Variants in DNM3 observed in about 807,000 individuals in gnomAD.
DNM3 encodes dynamin 3.
In DNM3, 47 loss-of-function variants were observed where a neutral mutation model predicts 101.6. The ratio of observed to expected loss-of-function variants is 0.46; its 90% CI spans 0.37 to 0.59. DNM3 has a LOEUF of 0.59. Among genes scored for constraint, DNM3 ranks in the 20% least tolerant of loss-of-function variants. DNM3 has a pLI of 0.00. For synonymous variants in DNM3, 385 were observed against 387.9 expected (o/e 0.99, Z 0.09); for missense variants, 849 against 1,085.7 (o/e 0.78, Z 3.06).
At chr1:172,030,057 T>C (rs867098269) in intron 4 of DNM3, among the ~76,000 whole-genome samples, 1 of 152,170 alleles carries the variant, frequency 6.6e-6, no homozygotes, top group African/African-American at 2.4e-5. Flanking sequence ...AAAAAACTAC[T>C]TTAAATTTCA....
At chr1:172,168,393 G>A (rs749016165) in intron 14 of DNM3, among the ~76,000 whole-genome samples, 1 of 151,932 alleles carries the variant, frequency 6.6e-6, no homozygotes, top group Non-Finnish European at 1.5e-5. Flanking sequence ...TTAACAAAAG[G>A]TTTAGTGGTC....
chr1:172,345,589 CTG>C (rs1314973868), intron 17 of DNM3, among the ~76,000 whole-genome samples: 1 of 152,182 alleles, frequency 6.6e-6, no homozygotes, highest in Non-Finnish European at 1.5e-5. Flanking sequence ...TGCACACACA[CTG>C]TTATCCATTA....
At chr1:172,069,162 CATT>C (rs2051952971) in intron 11 of DNM3, among the ~76,000 whole-genome samples, 1 of 152,112 alleles carries the variant, frequency 6.6e-6, no homozygotes, top group Non-Finnish European at 1.5e-5. Flanking sequence ...ACAGGAGTTT[CATT>C]ATTTTTTTTC....
chr1:172,312,639 A>C (rs1225318350), intron 16 of DNM3, among the ~76,000 whole-genome samples: 2 of 152,000 alleles, frequency 1.3e-5, no homozygotes, highest in South Asian at 2.1e-4. Context: ...CTAAAATTTT[A>C]TTTCTTTCCT....
intron 15 of DNM3, among the ~76,000 whole-genome samples, chr1:172,279,511 A>G (rs1219212931): frequency 6.6e-6 from 1 of 152,104 alleles, no homozygotes; most frequent in Non-Finnish European, 1.5e-5. Flanking sequence ...TTCCATCTAT[A>G]TGCTGTTGAC....
chr1:172,396,065 A>G (rs1412016706), intron 20 of DNM3, among the ~76,000 whole-genome samples: 1 of 152,240 alleles, frequency 6.6e-6, no homozygotes, highest in Non-Finnish European at 1.5e-5. Flanking sequence ...TTGCCCTGTG[A>G]CTGCTTTTCA....
intron 1 of DNM3, among the ~76,000 whole-genome samples, chr1:171,877,889 G>T (rs184929819): frequency 9.7e-4 from 148 of 152,246 alleles, no homozygotes; most frequent in African/African-American, 3.4e-3. Flanking sequence ...GACTTAGACC[G>T]GGTGTCTGAT....
intron 4 of DNM3, among the ~76,000 whole-genome samples, chr1:172,011,371 G>A (rs1173871139): frequency 1.3e-5 from 2 of 151,926 alleles, no homozygotes; most frequent in African/African-American, 2.4e-5. Flanking sequence ...GGACCCCTAT[G>A]AAAATTTCTG....
At chr1:172,291,018 T>C (rs559366139) in intron 15 of DNM3, among the ~76,000 whole-genome samples, 1 of 152,168 alleles carries the variant, frequency 6.6e-6, no homozygotes, top group African/African-American at 2.4e-5. Context: ...AGCCAAGTAA[T>C]GTGAAAACAG....
At chr1:171,844,997 C>T (rs1338899451) in intron 1 of DNM3, among the ~76,000 whole-genome samples, 2 of 151,956 alleles carry the variant, frequency 1.3e-5, no homozygotes, top group Non-Finnish European at 2.9e-5. Context: ...CTCATACAAC[C>T]CCAAAGAGGT....
At chr1:172,038,237 G>T in intron 6 of DNM3, 82 bp from the exon 7 acceptor site, 1 of 1,524,558 alleles carries the variant, frequency 6.6e-7, no homozygotes, top group Admixed American at 2.1e-5. Flanking sequence ...CAATGGAGGC[G>T]GATCTTTGTC....
intron 10 of DNM3, among the ~76,000 whole-genome samples, chr1:172,055,609 G>A (rs562314918): frequency 2.6e-4 from 39 of 152,158 alleles, no homozygotes; most frequent in Admixed American, 6.5e-4. Flanking sequence ...TAAGCTCATC[G>A]CTCTATTTTC....
At chr1:171,889,617 G>A (rs1369852739) in intron 1 of DNM3, among the ~76,000 whole-genome samples, 11 of 152,112 alleles carry the variant, frequency 7.2e-5, no homozygotes, top group East Asian at 5.8e-4. Context: ...GTATGATAGC[G>A]TCAGAGAGGC....
intron 14 of DNM3, among the ~76,000 whole-genome samples, chr1:172,214,334 C>A (rs2060617358): frequency 6.6e-6 from 1 of 151,930 alleles, no homozygotes; most frequent in Non-Finnish European, 1.5e-5. Context: ...AGGAGATATA[C>A]CTAATGTAAA....
At chr1:171,912,322 CTT>C (rs1215542786) in intron 1 of DNM3, among the ~76,000 whole-genome samples, 1 of 151,968 alleles carries the variant, frequency 6.6e-6, no homozygotes, top group Non-Finnish European at 1.5e-5. Context: ...TGATATTAAA[CTT>C]AATAGGGGAA....
intron 12 of DNM3, among the ~76,000 whole-genome samples, chr1:172,091,330 G>T (rs150793550): frequency 6.6e-6 from 1 of 152,162 alleles, no homozygotes; most frequent in Admixed American, 6.6e-5. Context: ...TAAATACACC[G>T]TGTAGTGTAT....
intron 1 of DNM3, among the ~76,000 whole-genome samples, chr1:171,848,485 TC>T (rs1271339213): frequency 7.9e-5 from 12 of 152,168 alleles, no homozygotes; most frequent in African/African-American, 2.9e-4. Flanking sequence ...TTAATATTTA[TC>T]CACCAGGTGG....
chr1:172,193,343 A>C (rs1028867154), intron 14 of DNM3, among the ~76,000 whole-genome samples: 2 of 152,090 alleles, frequency 1.3e-5, no homozygotes, highest in African/African-American at 4.8e-5. Context: ...TGTCCCTGCC[A>C]GGCTTTGGTA....
At chr1:171,860,955 T>G (rs149884825) in intron 1 of DNM3, among the ~76,000 whole-genome samples, 173 of 152,244 alleles carry the variant, frequency 1.1e-3, no homozygotes, top group African/African-American at 4.1e-3. Context: ...CTGTAAGGTA[T>G]GCAGGTGGTT....
Sources: gnomAD v4.1 joint callset for allele counts (sites outside exome capture counted in the v4.1 genomes callset) on GRCh38, gnomAD v4.1.1 for gene constraint, MANE v1.5 for transcripts, NCBI Gene and HGNC (gene_info 2026-07-23, HGNC 2026-07-21) for gene names.